RYR2: variants seen among roughly 807,000 people sequenced by gnomAD.
RYR2 encodes the protein cardiac muscle ryanodine receptor-calcium release channel.
RYR2 carries 227 observed loss-of-function variants against 601.1 expected under a neutral mutation model. The observed-to-expected ratio is 0.38, with a 90% confidence interval of 0.34 to 0.42. The LOEUF (loss-of-function observed/expected upper bound fraction) is 0.42, where lower values mean the gene tolerates loss of function less well. Among genes scored for constraint, RYR2 ranks in the 10% least tolerant of loss-of-function variants. The pLI is 1.00. For synonymous variants in RYR2, 2,223 were observed against 2,175.1 expected, an observed-to-expected ratio of 1.02 and a Z score of -0.61; for missense variants, 4,646 against 6,156.5, an observed-to-expected ratio of 0.75 and a Z score of 8.21.
chr1:237,088,757 G>A (rs1666631948), intron 1 of RYR2, among the ~76,000 whole-genome samples: 1 of 152,132 alleles, frequency 6.6e-6, no homozygotes, highest in Non-Finnish European at 1.5e-5. Flanking sequence ...CCTTGTTTTT[G>A]TGGTAGGTAA....
intron 84 of RYR2, among the ~76,000 whole-genome samples, chr1:237,770,095 C>T (rs933770197): frequency 6.6e-6 from 1 of 152,038 alleles, no homozygotes; most frequent in East Asian, 1.9e-4. Context: ...TTTCACCTTT[C>T]TTTATTAGTT....
chr1:237,407,514 CAT>C (rs1704017802), intron 10 of RYR2, among the ~76,000 whole-genome samples: 1 of 151,764 alleles, frequency 6.6e-6, no homozygotes, highest in African/African-American at 2.4e-5. Context: ...CAAATGTTGA[CAT>C]ATGACATTGA....
chr1:237,392,287 A>T (rs1428861979), intron 10 of RYR2, among the ~76,000 whole-genome samples: 1 of 152,096 alleles, frequency 6.6e-6, no homozygotes, highest in Non-Finnish European at 1.5e-5. Flanking sequence ...CCAACAATAA[A>T]TTTATTGTAC....
intron 1 of RYR2, among the ~76,000 whole-genome samples, chr1:237,186,391 A>G (rs1679339543): frequency 1.3e-5 from 2 of 152,198 alleles, no homozygotes; most frequent in African/African-American, 4.8e-5. Context: ...TAGTACAATA[A>G]TGAGAAATCC....
chr1:237,272,745 A>C (rs962029679), intron 2 of RYR2, among the ~76,000 whole-genome samples: 1 of 151,944 alleles, frequency 6.6e-6, no homozygotes, highest in East Asian at 1.9e-4. Context: ...AATTAAAAAA[A>C]TAAGAGACAC....
intron 56 of RYR2, among the ~76,000 whole-genome samples, chr1:237,664,590 T>C (rs945790705): frequency 6.6e-6 from 1 of 152,200 alleles, no homozygotes; most frequent in Non-Finnish European, 1.5e-5. Context: ...ACTTATTCAC[T>C]ACCACAAGAA....
chr1:237,052,791 C>T (rs778347578), intron 1 of RYR2, among the ~76,000 whole-genome samples: 4 of 152,050 alleles, frequency 2.6e-5, no homozygotes, highest in East Asian at 3.9e-4. Flanking sequence ...TACACACACA[C>T]GCATTGCATA....
chr1:237,247,041 G>C (rs1216635864), intron 1 of RYR2, among the ~76,000 whole-genome samples: 2 of 152,134 alleles, frequency 1.3e-5, no homozygotes, highest in Admixed American at 1.3e-4. Flanking sequence ...ATAACTTTTT[G>C]AATTTTTATT....
chr1:237,225,518 A>G (rs946542681), intron 1 of RYR2, among the ~76,000 whole-genome samples: 2 of 151,984 alleles, frequency 1.3e-5, no homozygotes, highest in Non-Finnish European at 2.9e-5. Context: ...TATGGGGGAA[A>G]CCTCCCCCAT....
At chr1:237,101,363 T>C (rs926125941) in intron 1 of RYR2, among the ~76,000 whole-genome samples, 1 of 142,944 alleles carries the variant, frequency 7.0e-6, no homozygotes, top group African/African-American at 2.6e-5. Flanking sequence ...GCAGGCACAA[T>C]ATGTAGTCTC....
intron 100 of RYR2, among the ~76,000 whole-genome samples, chr1:237,818,185 C>T (rs1427639265): frequency 6.6e-6 from 1 of 152,170 alleles, no homozygotes; most frequent in African/African-American, 2.4e-5. Context: ...TGACTCAATC[C>T]AGCATGACTT....
chr1:237,073,723 T>G (rs918064577), intron 1 of RYR2, among the ~76,000 whole-genome samples: 1 of 151,990 alleles, frequency 6.6e-6, no homozygotes, highest in African/African-American at 2.4e-5. Context: ...TAAAAAAAAT[T>G]AGCTGGGTGT....
chr1:237,823,716 C>T (rs1662774712), intron 101 of RYR2, among the ~76,000 whole-genome samples: 1 of 152,032 alleles, frequency 6.6e-6, no homozygotes, highest in South Asian at 2.1e-4. Flanking sequence ...ACGAAAAACC[C>T]TTCAAAAAAA....
intron 3 of RYR2, among the ~76,000 whole-genome samples, chr1:237,334,829 A>G (rs937582890): frequency 6.6e-6 from 1 of 152,158 alleles, no homozygotes; most frequent in Non-Finnish European, 1.5e-5. Flanking sequence ...TATGGATGAT[A>G]TAGCATAGGG....
intron 12 of RYR2, among the ~76,000 whole-genome samples, chr1:237,438,760 GCATGCCCCAA>G (rs1572334327): frequency 6.6e-6 from 1 of 152,226 alleles, no homozygotes; most frequent in Non-Finnish European, 1.5e-5. Context: ...ATTGGGCACT[GCATGCCCCAA>G]GGCAAAAGGC....
chr1:237,713,233 A>G (rs1688987504), intron 71 of RYR2, among the ~76,000 whole-genome samples: 1 of 152,170 alleles, frequency 6.6e-6, no homozygotes, highest in Non-Finnish European at 1.5e-5. Flanking sequence ...ACTACATGTC[A>G]TAGAACCTAG....
chr1:237,262,895 T>A (rs1572399440), intron 1 of RYR2, among the ~76,000 whole-genome samples: 1 of 152,206 alleles, frequency 6.6e-6, no homozygotes, highest in East Asian at 1.9e-4. Context: ...CTTGGCATGA[T>A]GTGAGAGATT....
At chr1:237,410,356 TG>T (rs984347435) in intron 10 of RYR2, among the ~76,000 whole-genome samples, 29 of 152,298 alleles carry the variant, frequency 1.9e-4, no homozygotes, top group African/African-American at 6.7e-4. Flanking sequence ...GATTTAGAAA[TG>T]TTATTCAAGA....
intron 47 of RYR2, 130 bp downstream of exon 47, chr1:237,641,132 T>A (rs1027598693): frequency 3.6e-6 from 2 of 560,680 alleles, no homozygotes; most frequent in East Asian, 2.9e-5. Context: ...AGCTGCAGTC[T>A]AATCACTGAA....
Sources: gnomAD v4.1 joint callset for allele counts (sites outside exome capture counted in the v4.1 genomes callset) on GRCh38, gnomAD v4.1.1 for gene constraint, MANE v1.5 for transcripts, NCBI Gene and HGNC (gene_info 2026-07-23, HGNC 2026-07-21) for gene names.